The following YBX3 variants were observed in gnomAD, a reference collection of about 807,000 sequenced individuals.
The protein encoded by YBX3 is Y-box-binding protein 3.
In YBX3, 29 loss-of-function variants were observed where a neutral mutation model predicts 42.4. The observed-to-expected ratio is 0.68, with a 90% CI of 0.51 to 0.93. YBX3 has a LOEUF of 0.93. Among genes scored for constraint, YBX3 ranks in the 40% least tolerant of loss-of-function variants. The pLI, the probability that YBX3 is intolerant of heterozygous loss-of-function variation, is 0.00. For synonymous variants in YBX3, 195 were observed against 189.8 expected (o/e 1.03, Z -0.22); for missense variants, 517 against 527.5 (o/e 0.98, Z 0.19).
At chr12:10,703,383 A>C (rs1323228263) in intron 7 of YBX3, 1 of 167,896 alleles carries the variant, frequency 6.0e-6, no homozygotes, top group African/African-American at 2.4e-5. Flanking sequence ...AGCCTAATTC[A>C]GTCTTCCAAA....
intron 6 of YBX3, among the ~76,000 whole-genome samples, chr12:10,709,035 C>T (rs144108961): frequency 2.3e-4 from 35 of 152,174 alleles, no homozygotes; most frequent in African/African-American, 8.2e-4. Flanking sequence ...ATTTTTAGCA[C>T]ATTTGTCAGG....
Position 10,705,506 on chromosome 12 carries a change from G to A in YBX3, c.781-1358C>T, listed in dbSNP as rs1948127658. ...AGATATTGTTTTTGCATCCCCAGGG[G>A]GATGTCACAAAAGTGACACTGCATT... On this transcript the variant is annotated intron_variant, in intron 6 of 9. Transcript: ENST00000228251. Among the ~76,000 whole-genome samples the A allele has an allele frequency of 2.0e-5, 3 of 152,166 alleles. No individual in the cohort carries two copies. The South Asian group carries it at 6.2e-4, about 32-fold the overall frequency.
rs372644769 is a variant in YBX3, at chr12:10,704,157, G to A, written c.781-9C>T. 92 of 1,607,960 alleles carry A rather than the reference G, an allele frequency of 5.7e-5. No individual in the cohort carries two copies. The highest frequency in any genetic ancestry group is 7.7e-5 in the Non-Finnish European group (90 of 1,174,480). ...TCTCCAATCTCACCAGCCTGGAGAG[G>A]CAATGAGAGCTGACAGTGAGTGTCA... On this transcript the variant is annotated splice_polypyrimidine_tract_variant and intron_variant, in intron 6 of 9. Coordinates refer to ENST00000228251, the MANE Select transcript of YBX3 (RefSeq NM_003651.5).
intron 6 of YBX3, among the ~76,000 whole-genome samples, chr12:10,706,467 C>T (rs1480583121): frequency 2.0e-5 from 3 of 152,246 alleles, no homozygotes; most frequent in Non-Finnish European, 4.4e-5. Flanking sequence ...CACCAAACCA[C>T]TGACCTCCAA....
chr12:10,710,778 A>T, intron 5 of YBX3: 1 of 367,574 alleles, frequency 2.7e-6, no homozygotes, highest in South Asian at 2.1e-5. Flanking sequence ...ATTAAACCAT[A>T]CATCAGAGAT....
rs771130438 is a variant in YBX3, at chr12:10,718,138, AG to A, written c.327-18del. On this transcript the variant is annotated intron_variant, in intron 2 of 9. Transcript: ENST00000228251. ...GTGTCATTTCTGTTGAAAGACAAAA[AG>A]CTCACAATTAAAGGTAGTACGTATG... 13 of 1,611,776 alleles carry A rather than the reference AG, an allele frequency of 8.1e-6. No homozygotes were observed. The highest frequency in any genetic ancestry group is 1.1e-5 in the Non-Finnish European group (13 of 1,178,994).
intron 4 of YBX3, among the ~76,000 whole-genome samples, chr12:10,715,038 C>G (rs1948244313): frequency 6.6e-6 from 1 of 151,790 alleles, no homozygotes; most frequent in Non-Finnish European, 1.5e-5. Context: ...GTGTGGGCCA[C>G]CACGCCCAGC....
Position 10,702,259 on chromosome 12 carries a change from C to T in YBX3, c.879-125G>A, listed in dbSNP as rs550626708. On this transcript the variant is annotated intron_variant, in intron 7 of 9. Transcript: ENST00000228251. ...ATCAGGGCCAGGCATGATGGCTCAC[C>T]CCTGTAATCCCAGCACTTCAGGAGG... The T allele has an allele frequency of 1.7e-4, 155 of 919,410 alleles. 1 individual carries two copies. The highest frequency in any genetic ancestry group is 2.3e-4 in the Non-Finnish European group (151 of 651,872). 57.0% of individuals were successfully genotyped at this position (919,410 alleles called of 1,614,324 possible). A position where few individuals can be genotyped will look rare whatever the true frequency, so the allele number is the denominator to read the frequency against.
At chr12:10,722,014 C>G (rs1302994969) in intron 1 of YBX3, 1 of 152,334 alleles carries the variant, frequency 6.6e-6, no homozygotes, top group Non-Finnish European at 1.5e-5. Flanking sequence ...CTTCCTGTTT[C>G]CCTTCCTACG....
Position 10,702,470 on chromosome 12 carries a change from G to A in YBX3, c.879-336C>T, listed in dbSNP as rs116220322. 1,032 of 160,698 alleles carry A rather than the reference G, an allele frequency of 6.4e-3. 17 individuals carry two copies. Among genetic ancestry groups the A allele is most frequent in the African/African-American group, 0.024 (977 of 41,574 alleles). The allele number at this position is 160,698 out of a possible 1,614,324, so 10.0% of individuals were successfully genotyped here. ...CATGAGGCAGAGGTTGCAGCAACCC[G>A]AGATTGGCACACTCCAGCCTGGGTG... On this transcript the variant is annotated intron_variant, in intron 7 of 9. Coordinates refer to ENST00000228251, the MANE Select transcript of YBX3 (RefSeq NM_003651.5).
chr12:10,717,798 TC>T (rs201204425), intron 3 of YBX3: 3,613 of 238,496 alleles, frequency 0.015, 41 homozygotes, highest in African/African-American at 0.044. Context: ...AACAGACTTT[TC>T]TTTTTTTTGC....
intron 4 of YBX3, 150 bp from the exon 5 acceptor site, chr12:10,713,483 T>A: frequency 1.0e-6 from 1 of 1,002,470 alleles, no homozygotes; most frequent in Non-Finnish European, 1.4e-6. Context: ...TTAAACAAAG[T>A]GAGCAAGGTA....
At chr12:10,708,493 T>C (rs1453040148) in intron 6 of YBX3, among the ~76,000 whole-genome samples, 3 of 152,234 alleles carry the variant, frequency 2.0e-5, no homozygotes, top group Non-Finnish European at 2.9e-5. Context: ...ATGAGAGCTT[T>C]AGGAATTTTC....
intron 3 of YBX3, chr12:10,717,869 C>A: frequency 2.6e-6 from 1 of 391,904 alleles, no homozygotes; most frequent in Non-Finnish European, 4.5e-6. Flanking sequence ...CTTTATACAA[C>A]TGCAAAAATA....
Position 10,701,293 on chromosome 12 carries a change from C to T in YBX3, c.1114G>A (p.Glu372Lys), listed in dbSNP as rs1282733284. 1 of 780,774 alleles carries T rather than the reference C, an allele frequency of 1.3e-6. No individual in the cohort carries two copies. The highest frequency in any genetic ancestry group is 2.4e-6 in the Non-Finnish European group (1 of 418,130). The allele number at this position is 780,774 out of a possible 1,614,324, so 48.4% of individuals were successfully genotyped here. The stretch of plus-strand genomic sequence containing the variant: ...GGTGCCTGAGGAGCCTGGTGTTACT[C>T]AGCACTGCTCTGCTGGGTGGGTGGA... ...PAPPTQQSSA[E>K] The change falls in exon 9 of 10, where the codon GAG becomes AAG. Residue 372 changes from glutamate to lysine, a missense_variant. Physicochemically the swap from Glu to Lys is moderately conservative, Grantham distance 56. Transcript: ENST00000228251.
intron 8 of YBX3, 53 bp downstream of exon 8, chr12:10,701,907 C>T (rs1422638314): frequency 1.9e-6 from 3 of 1,548,564 alleles, no homozygotes; most frequent in African/African-American, 1.4e-5. Flanking sequence ...ATGCTAAAGT[C>T]TGACATGATT....
At chr12:10,715,267 G>A (rs1165245267) in intron 4 of YBX3, among the ~76,000 whole-genome samples, 1 of 151,894 alleles carries the variant, frequency 6.6e-6, no homozygotes, top group Non-Finnish European at 1.5e-5. Flanking sequence ...TCTGCTAGCT[G>A]GGTGTGGTGG....
chr12:10,701,929 G>A (rs1948084244), intron 8 of YBX3, 31 bp downstream of exon 8: 1 of 1,585,770 alleles, frequency 6.3e-7, no homozygotes, highest in South Asian at 1.1e-5. Flanking sequence ...AAGACTATCT[G>A]GCAACATCCG....
intron 2 of YBX3, chr12:10,718,349 A>G: frequency 2.1e-6 from 1 of 473,484 alleles, no homozygotes; most frequent in Non-Finnish European, 3.8e-6. Context: ...CCAAGCTCAC[A>G]GACTCAACAT....
Sources: allele counts gnomAD v4.1 joint callset (sites outside exome capture counted in the v4.1 genomes callset), GRCh38; gene constraint gnomAD v4.1.1; transcripts MANE v1.5; gene names NCBI Gene and HGNC (gene_info 2026-07-23, HGNC 2026-07-21).